CDH18: variants seen among roughly 807,000 people sequenced by gnomAD.
The protein encoded by CDH18 is cadherin 18.
Under a neutral mutation model 67.9 loss-of-function variants are expected in CDH18, and 31 were observed. The ratio of observed to expected loss-of-function variants is 0.46; its 90% CI spans 0.34 to 0.62. The LOEUF (loss-of-function observed/expected upper bound fraction) is 0.62, where lower values mean the gene tolerates loss of function less well. CDH18 is among the 20% of genes least tolerant of loss of function. The pLI, the probability that CDH18 is intolerant of heterozygous loss-of-function variation, is 0.01. For synonymous variants in CDH18, 362 were observed against 347.2 expected (o/e 1.04, Z -0.48); for missense variants, 890 against 975.5 (o/e 0.91, Z 1.17).
At chr5:20,245,060 C>G (rs1465481468) in intron 2 of CDH18, among the ~76,000 whole-genome samples, 1 of 152,118 alleles carries the variant, frequency 6.6e-6, no homozygotes, top group Non-Finnish European at 1.5e-5. Context: ...AAATCAGAAG[C>G]TAACAGCCAT....
At chr5:19,657,778 C>T (rs1756601052) in intron 5 of CDH18, among the ~76,000 whole-genome samples, 1 of 152,128 alleles carries the variant, frequency 6.6e-6, no homozygotes, top group South Asian at 2.1e-4. Flanking sequence ...AACTTATTCT[C>T]CTCACTCTAG....
intron 3 of CDH18, among the ~76,000 whole-genome samples, chr5:19,826,356 C>T (rs112374960): frequency 8.3e-4 from 127 of 152,184 alleles, no homozygotes; most frequent in African/African-American, 3.0e-3. Context: ...GAGGCCAACA[C>T]TCAAATCCAA....
intron 2 of CDH18, among the ~76,000 whole-genome samples, chr5:20,076,289 T>G (rs989987474): frequency 6.6e-6 from 1 of 152,018 alleles, no homozygotes; most frequent in Non-Finnish European, 1.5e-5. Context: ...AGTCTCATTT[T>G]GGGTGTGTTT....
intron 1 of CDH18, among the ~76,000 whole-genome samples, chr5:20,413,988 T>C (rs1037579750): frequency 1.3e-5 from 2 of 152,170 alleles, no homozygotes; most frequent in Admixed American, 1.3e-4. Context: ...TTAATTTTTA[T>C]ATAAGGTGTA....
chr5:19,835,343 GA>G (rs1402468733), intron 3 of CDH18, among the ~76,000 whole-genome samples: 1 of 151,912 alleles, frequency 6.6e-6, no homozygotes, highest in African/African-American at 2.4e-5. Flanking sequence ...CACAGAGAGG[GA>G]AAAAACACAC....
intron 1 of CDH18, among the ~76,000 whole-genome samples, chr5:20,511,768 C>T (rs752641207): frequency 2.6e-5 from 4 of 152,162 alleles, no homozygotes; most frequent in Non-Finnish European, 4.4e-5. Context: ...GAAGTCGATA[C>T]ATTTACCTTT....
intron 12 of CDH18, among the ~76,000 whole-genome samples, chr5:19,482,008 G>T (rs1739507390): frequency 6.6e-6 from 1 of 152,082 alleles, no homozygotes; most frequent in South Asian, 2.1e-4. Context: ...AGCTCTTCAT[G>T]CGGCTGTGAA....
chr5:19,617,588 G>A (rs902060410), intron 5 of CDH18, among the ~76,000 whole-genome samples: 6 of 152,156 alleles, frequency 3.9e-5, no homozygotes, highest in Non-Finnish European at 7.4e-5. Context: ...TATTCTAAAT[G>A]TTTGTTGGAA....
At chr5:19,817,208 G>C (rs1779381367) in intron 3 of CDH18, among the ~76,000 whole-genome samples, 1 of 151,844 alleles carries the variant, frequency 6.6e-6, no homozygotes, top group Non-Finnish European at 1.5e-5. Flanking sequence ...ATAATTCCAA[G>C]TTTTAAAAAC....
At chr5:20,068,786 C>T (rs1743196398) in intron 2 of CDH18, among the ~76,000 whole-genome samples, 2 of 151,992 alleles carry the variant, frequency 1.3e-5, no homozygotes, top group South Asian at 4.1e-4. Context: ...GGATAGAGCA[C>T]ATCATTAAAA....
At chr5:19,869,064 G>C (rs1326621136) in intron 2 of CDH18, among the ~76,000 whole-genome samples, 1 of 152,080 alleles carries the variant, frequency 6.6e-6, no homozygotes, top group Non-Finnish European at 1.5e-5. Context: ...GCAATGTATG[G>C]AGAAAATAAA....
intron 2 of CDH18, among the ~76,000 whole-genome samples, chr5:20,235,525 T>C (rs1260581749): frequency 6.6e-6 from 1 of 151,904 alleles, no homozygotes; most frequent in African/African-American, 2.4e-5. Flanking sequence ...CATGAAAAAA[T>C]GTTCGTCATC....
rs183395433 is a variant in CDH18, at chr5:19,804,257, G to A, written c.228+34502C>T. Among the ~76,000 whole-genome samples, 838 of 149,262 alleles carry A rather than the reference G, an allele frequency of 5.6e-3. 4 individuals are homozygous for A. The highest frequency in any genetic ancestry group is 0.02 in the African/African-American group (813 of 40,642). ...GCAGAGCTTGCAGTGAGCCGAGATC[G>A]CACCACTGCACTCCAGCCTGGGGGA... On this transcript the variant is annotated intron_variant, in intron 3 of 12. Coordinates refer to ENST00000382275, the MANE Select transcript of CDH18 (RefSeq NM_004934.5).
At chr5:20,471,833 T>TAAAAAAAGAAA (rs1752104006) in intron 1 of CDH18, among the ~76,000 whole-genome samples, 1 of 51,500 alleles carries the variant, frequency 1.9e-5, no homozygotes, top group African/African-American at 6.5e-5. Flanking sequence ...AGATTCAGTC[T>TAAAAAAAGAAA]AAAAAAAAAA....
intron 1 of CDH18, among the ~76,000 whole-genome samples, chr5:20,546,239 A>G (rs973549693): frequency 6.6e-6 from 1 of 152,144 alleles, no homozygotes; most frequent in African/African-American, 2.4e-5. Context: ...AGGAAGTTCC[A>G]AACTTTTCCT....
At chr5:19,720,846 G>T (rs377426879) in intron 5 of CDH18, among the ~76,000 whole-genome samples, 1 of 151,856 alleles carries the variant, frequency 6.6e-6, no homozygotes, top group Admixed American at 6.6e-5. Context: ...AGAAAAAATT[G>T]CCAACCCAAG....
intron 7 of CDH18, among the ~76,000 whole-genome samples, chr5:19,576,523 C>T (rs1245081110): frequency 1.3e-5 from 2 of 152,026 alleles, no homozygotes; most frequent in Non-Finnish European, 1.5e-5. Flanking sequence ...CAGAAAAGTG[C>T]CAAATTAAAA....
At chr5:20,170,164 T>G (rs1186486623) in intron 2 of CDH18, among the ~76,000 whole-genome samples, 3 of 152,064 alleles carry the variant, frequency 2.0e-5, no homozygotes, top group Admixed American at 2.0e-4. Context: ...TTTGTCCTGA[T>G]GCTTTCCCTC....
chr5:19,836,785 G>C (rs942825049), intron 3 of CDH18, among the ~76,000 whole-genome samples: 1 of 151,868 alleles, frequency 6.6e-6, no homozygotes, highest in African/African-American at 2.4e-5. Flanking sequence ...TTTCTTCCAG[G>C]GTTTTTATGG....
Sources: allele counts gnomAD v4.1 joint callset (sites outside exome capture counted in the v4.1 genomes callset), GRCh38; gene constraint gnomAD v4.1.1; transcripts MANE v1.5; gene names NCBI Gene and HGNC (gene_info 2026-07-23, HGNC 2026-07-21).